Variants in SORBS2 observed in about 807,000 individuals in gnomAD.
SORBS2 encodes sorbin and SH3 domain containing 2.
In SORBS2, 46 loss-of-function variants were observed where a neutral mutation model predicts 97.7. The ratio of observed to expected loss-of-function variants is 0.47; its 90% confidence interval spans 0.37 to 0.60. The LOEUF is 0.60. Ranked by LOEUF, SORBS2 falls within the 20% of genes least tolerant of loss-of-function variation. SORBS2 has a pLI of 0.00. For synonymous variants in SORBS2, 476 were observed against 473.4 expected (o/e 1.01, Z -0.07); for missense variants, 1,316 against 1,282.3 (o/e 1.03, Z -0.40).
At chr4:185,626,373 A>C (rs2096813965) in intron 6 of SORBS2, among the ~76,000 whole-genome samples, 1 of 152,194 alleles carries the variant, frequency 6.6e-6, no homozygotes, top group Non-Finnish European at 1.5e-5. Context: ...ATTTTTTTAA[A>C]ATCTAGAATT....
chr4:185,609,573 C>T (rs139488014), intron 12 of SORBS2, among the ~76,000 whole-genome samples: 4 of 152,290 alleles, frequency 2.6e-5, no homozygotes, highest in African/African-American at 9.6e-5. Context: ...CAAACCTATA[C>T]CTATAATACA....
At chr4:185,742,966 C>A (rs906145596) in intron 2 of SORBS2, among the ~76,000 whole-genome samples, 2 of 152,124 alleles carry the variant, frequency 1.3e-5, no homozygotes, top group Non-Finnish European at 2.9e-5. Flanking sequence ...CTCTAAAGAG[C>A]CCCGCGGGCA....
chr4:185,626,874 A>T (rs1171044083), exon 6 of SORBS2: 1 of 1,614,090 alleles, frequency 6.2e-7, no homozygotes, highest in Non-Finnish European at 8.5e-7. Context: ...CTAGTGAAAG[A>T]CTTTGTAAGA....
At chr4:185,805,080 G>A (rs963049669) in intron 1 of SORBS2, among the ~76,000 whole-genome samples, 1 of 151,848 alleles carries the variant, frequency 6.6e-6, no homozygotes, top group African/African-American at 2.4e-5. Flanking sequence ...TGTACCAAGA[G>A]GCTTTAAAAA....
rs560826006 is a variant in SORBS2 at position 185,694,289 on chromosome 4, C to T, written c.-197-15467G>A. On this transcript the variant is annotated intron_variant, in intron 2 of 20. Coordinates refer to the SORBS2 transcript ENST00000284776. ...CTGGAAAGCATCAAATTCCTAGAGT[C>T]TTTGCATGCTGCTAGACAACAGCAT... Among the ~76,000 whole-genome samples the T allele has an allele frequency of 3.2e-4, 49 of 152,324 alleles. No homozygotes were observed. The South Asian group carries it at 9.7e-3, about 30-fold the overall frequency.
chr4:185,801,666 ATCTCTC>A (rs59944716), intron 1 of SORBS2, among the ~76,000 whole-genome samples: 20 of 98,266 alleles, frequency 2.0e-4, no homozygotes, highest in African/African-American at 1.6e-4. Context: ...TAACTGAATC[ATCTCTC>A]TCTCTCTCTC....
At chr4:185,876,311 T>C (rs1393246155) in intron 1 of SORBS2, among the ~76,000 whole-genome samples, 1 of 152,122 alleles carries the variant, frequency 6.6e-6, no homozygotes, top group Non-Finnish European at 1.5e-5. Context: ...TTTAACTATA[T>C]TGGCCAGGCT....
At position 185,794,132 on chromosome 4, in the gene SORBS2, T is replaced by C. The variant is rs191079949; in HGVS notation, c.-337-18766A>G. Reference sequence around the variant, plus strand: ...CTTTTAAAACTAAGTGACCAAACATTGGTGACATAAAATTGTTTCTTAAGT... The same window carrying C: ...CTTTTAAAACTAAGTGACCAAACATCGGTGACATAAAATTGTTTCTTAAGT... On this transcript the variant is annotated intron_variant, in intron 1 of 20. Transcript: ENST00000284776. 1.3e-4 allele frequency among the ~76,000 whole-genome samples: 20 copies of C among 152,376 alleles called. No individual in the cohort carries two copies. In the East Asian group the frequency reaches 3.3e-3, roughly 25 times the overall value.
chr4:185,849,492 T>A (rs2099216567), intron 1 of SORBS2, among the ~76,000 whole-genome samples: 1 of 144,218 alleles, frequency 6.9e-6, no homozygotes, highest in Non-Finnish European at 1.5e-5. Context: ...TTTTTTGAGA[T>A]TCTGAGAATT....
chr4:185,864,161 T>A (rs1032568680), intron 1 of SORBS2, among the ~76,000 whole-genome samples: 1 of 152,126 alleles, frequency 6.6e-6, no homozygotes, highest in African/African-American at 2.4e-5. Flanking sequence ...GAGAATGAGG[T>A]CATTGTTCTC....
At chr4:185,628,964 A>T (rs956774476) in intron 5 of SORBS2, among the ~76,000 whole-genome samples, 6 of 152,248 alleles carry the variant, frequency 3.9e-5, no homozygotes, top group Non-Finnish European at 5.9e-5. Context: ...CTGGATTCTT[A>T]GACAAGACTT....
intron 1 of SORBS2, among the ~76,000 whole-genome samples, chr4:185,884,781 G>C (rs970584880): frequency 6.6e-6 from 1 of 152,136 alleles, no homozygotes; most frequent in Non-Finnish European, 1.5e-5. Context: ...GTGTATTCCC[G>C]GAATGCTCAG....
chr4:185,922,428 A>T (rs1033907325), intron 1 of SORBS2, among the ~76,000 whole-genome samples: 7 of 152,178 alleles, frequency 4.6e-5, no homozygotes, highest in African/African-American at 1.7e-4. Context: ...CTGATCCTTC[A>T]TGGAAGGTTC....
intron 2 of SORBS2, among the ~76,000 whole-genome samples, chr4:185,709,048 C>T (rs371030840): frequency 3.9e-5 from 6 of 152,312 alleles, no homozygotes; most frequent in South Asian, 2.1e-4. Flanking sequence ...GACGGAGTCT[C>T]GCTCTGTTGC....
At chr4:185,611,155 G>A (rs893880887) in intron 12 of SORBS2, among the ~76,000 whole-genome samples, 1 of 151,922 alleles carries the variant, frequency 6.6e-6, no homozygotes, top group African/African-American at 2.4e-5. Flanking sequence ...TATAATAACC[G>A]ACAACATTTT....
At chr4:185,836,553 T>C (rs1446162457) in intron 1 of SORBS2, among the ~76,000 whole-genome samples, 1 of 152,214 alleles carries the variant, frequency 6.6e-6, no homozygotes. Context: ...AAATCGCTCA[T>C]TTCTTTTTCA....
At chr4:185,685,181 T>C (rs2097931366) in intron 2 of SORBS2, among the ~76,000 whole-genome samples, 1 of 152,248 alleles carries the variant, frequency 6.6e-6, no homozygotes, top group Non-Finnish European at 1.5e-5. Context: ...CAATTTATAC[T>C]AAATCTATAA....
At chr4:185,916,757 A>G (rs759311676) in intron 1 of SORBS2, among the ~76,000 whole-genome samples, 2 of 152,158 alleles carry the variant, frequency 1.3e-5, no homozygotes, top group Non-Finnish European at 2.9e-5. Flanking sequence ...TAAACATGCT[A>G]CAGTGCACAG....
chr4:185,751,601 C>T (rs530324804), intron 2 of SORBS2, among the ~76,000 whole-genome samples: 1 of 152,180 alleles, frequency 6.6e-6, no homozygotes, highest in South Asian at 2.1e-4. Context: ...GTGAAGGCAC[C>T]ACTCCAAAGA....
Sources: allele counts gnomAD v4.1 joint callset (sites outside exome capture counted in the v4.1 genomes callset), GRCh38; gene constraint gnomAD v4.1.1; transcripts MANE v1.5; gene names NCBI Gene and HGNC (gene_info 2026-07-23, HGNC 2026-07-21).